The following LRBA variants were observed in gnomAD, a reference collection of about 807,000 sequenced individuals.
LRBA encodes the protein lipopolysaccharide-responsive and beige-like anchor protein.
LRBA carries 176 observed loss-of-function variants against 330.0 expected under a neutral mutation model. The observed-to-expected ratio is 0.53, with a 90% CI of 0.47 to 0.60. The LOEUF is 0.60. Among genes scored for constraint, LRBA ranks in the 20% least tolerant of loss-of-function variants. LRBA has a pLI of 0.00. For synonymous variants in LRBA, 1,230 were observed against 1,193.0 expected (o/e 1.03, Z -0.64); for missense variants, 3,259 against 3,444.8 (o/e 0.95, Z 1.35).
intron 36 of LRBA, among the ~76,000 whole-genome samples, chr4:150,731,648 A>G (rs1730472699): frequency 6.6e-6 from 1 of 152,192 alleles, no homozygotes; most frequent in Non-Finnish European, 1.5e-5. Context: ...AGTTCAAAAC[A>G]GTTTTACTCA....
intron 40 of LRBA, among the ~76,000 whole-genome samples, chr4:150,547,048 AC>A (rs1765938798): frequency 6.6e-6 from 1 of 152,188 alleles, no homozygotes; most frequent in Non-Finnish European, 1.5e-5. Flanking sequence ...ATCACATCAA[AC>A]ATGTCTATTA....
intron 48 of LRBA, 67 bp downstream of exon 48, chr4:150,349,925 G>A: frequency 5.0e-6 from 7 of 1,396,308 alleles, no homozygotes; most frequent in Middle Eastern, 1.8e-4. Flanking sequence ...TGGGGGAGGT[G>A]TTCTCTAGCT....
intron 40 of LRBA, among the ~76,000 whole-genome samples, chr4:150,540,116 C>A (rs1444350344): frequency 6.6e-6 from 1 of 152,112 alleles, no homozygotes; most frequent in African/African-American, 2.4e-5. Context: ...CTAGGTTTTA[C>A]GGACATTTTA....
chr4:150,697,327 A>AAG (rs1311934794), intron 36 of LRBA, among the ~76,000 whole-genome samples: 2 of 132,260 alleles, frequency 1.5e-5, no homozygotes, highest in African/African-American at 6.7e-5. Flanking sequence ...TTGTCTCAGA[A>AAG]AAAAAAAAAA....
intron 40 of LRBA, among the ~76,000 whole-genome samples, chr4:150,491,511 A>T (rs907683918): frequency 9.2e-5 from 14 of 152,104 alleles, no homozygotes; most frequent in African/African-American, 3.4e-4. Context: ...TCATAACTTT[A>T]AAAAATGACA....
At chr4:150,810,814 C>A (rs956119573) in intron 31 of LRBA, among the ~76,000 whole-genome samples, 3 of 152,106 alleles carry the variant, frequency 2.0e-5, no homozygotes, top group Non-Finnish European at 4.4e-5. Flanking sequence ...GTTGCCCAGG[C>A]GGGTCTCGAA....
intron 48 of LRBA, among the ~76,000 whole-genome samples, chr4:150,345,553 G>A (rs1736170404): frequency 6.6e-6 from 1 of 152,162 alleles, no homozygotes; most frequent in Admixed American, 6.5e-5. Flanking sequence ...CTTATGAGGG[G>A]ATAGGCACCA....
At chr4:150,937,517 TA>T (rs1312225799) in intron 2 of LRBA, among the ~76,000 whole-genome samples, 9 of 152,194 alleles carry the variant, frequency 5.9e-5, no homozygotes, top group African/African-American at 1.9e-4. Context: ...TTTATGGTTG[TA>T]TTTTTTTGAA....
chr4:150,782,634 T>C (rs1426554412), intron 34 of LRBA, among the ~76,000 whole-genome samples: 1 of 152,198 alleles, frequency 6.6e-6, no homozygotes, highest in Non-Finnish European at 1.5e-5. Context: ...TACGATAACA[T>C]TTAGGGTGTA....
At chr4:150,338,754 G>A (rs1581052552) in intron 48 of LRBA, among the ~76,000 whole-genome samples, 1 of 152,110 alleles carries the variant, frequency 6.6e-6, no homozygotes, top group East Asian at 1.9e-4. Flanking sequence ...CTGTAGCAGA[G>A]GCTTTTTTTC....
intron 34 of LRBA, among the ~76,000 whole-genome samples, chr4:150,780,990 C>G (rs1194087805): frequency 1.3e-5 from 2 of 152,090 alleles, no homozygotes; most frequent in Non-Finnish European, 2.9e-5. Context: ...TGCCATTTTC[C>G]TGCCTCAGCC....
chr4:150,373,168 TGTGTGAGAGA>T (rs1191616909), intron 47 of LRBA, among the ~76,000 whole-genome samples: 3 of 111,550 alleles, frequency 2.7e-5, no homozygotes, highest in South Asian at 2.9e-4. Context: ...TGTGTGTGTG[TGTGTGAGAGA>T]GAGAGAGAGA....
chr4:150,455,817 C>T (rs1004058676), intron 44 of LRBA, among the ~76,000 whole-genome samples: 1 of 152,020 alleles, frequency 6.6e-6, no homozygotes, highest in African/African-American at 2.4e-5. Flanking sequence ...CATTCCCTCA[C>T]CACCCTTCCC....
At chr4:150,841,938 G>C (rs1183558588) in intron 28 of LRBA, among the ~76,000 whole-genome samples, 3 of 152,128 alleles carry the variant, frequency 2.0e-5, no homozygotes, top group African/African-American at 7.2e-5. Flanking sequence ...TTACAGGTGT[G>C]AGCCACCGCA....
chr4:150,538,454 C>A (rs1304576542), intron 40 of LRBA, among the ~76,000 whole-genome samples: 4 of 152,140 alleles, frequency 2.6e-5, no homozygotes. Flanking sequence ...AACTGCACAG[C>A]CATAACAAAG....
At chr4:150,626,954 C>T (rs868650249) in intron 37 of LRBA, among the ~76,000 whole-genome samples, 2 of 152,050 alleles carry the variant, frequency 1.3e-5, no homozygotes, top group Non-Finnish European at 2.9e-5. Context: ...ATCATACATA[C>T]ATCAAGATGG....
chr4:150,705,129 C>G (rs1785490403), intron 36 of LRBA, among the ~76,000 whole-genome samples: 1 of 152,064 alleles, frequency 6.6e-6, no homozygotes, highest in South Asian at 2.1e-4. Context: ...TTGCCCAAAT[C>G]CTCTTCCCCC....
chr4:150,641,603 C>CT (rs1300799077), intron 37 of LRBA, among the ~76,000 whole-genome samples: 2 of 151,968 alleles, frequency 1.3e-5, no homozygotes, highest in African/African-American at 4.8e-5. Context: ...TTCTTTGCAG[C>CT]AAAAAGATTA....
chr4:150,476,933 G>A (rs1384966312), intron 42 of LRBA, among the ~76,000 whole-genome samples: 1 of 152,258 alleles, frequency 6.6e-6, no homozygotes. Flanking sequence ...GCCATCAGTG[G>A]TGAGTCAGGA....
Sources: gnomAD v4.1 joint callset for allele counts (sites outside exome capture counted in the v4.1 genomes callset) on GRCh38, gnomAD v4.1.1 for gene constraint, MANE v1.5 for transcripts, NCBI Gene and HGNC (gene_info 2026-07-23, HGNC 2026-07-21) for gene names.